Variants in PCDHGA1 observed in about 807,000 individuals in gnomAD.
PCDHGA1 encodes protocadherin gamma subfamily A, 1.
PCDHGA1 carries 32 observed loss-of-function variants against 58.0 expected under a neutral mutation model. The ratio of observed to expected loss-of-function variants is 0.55; its 90% CI spans 0.42 to 0.74. The LOEUF (loss-of-function observed/expected upper bound fraction) is 0.74, where lower values mean the gene tolerates loss of function less well. Among genes scored for constraint, PCDHGA1 ranks in the 30% least tolerant of loss-of-function variants. PCDHGA1 has a pLI of 0.00. For missense variants in PCDHGA1, 1,205 were observed against 1,182.3 expected, an observed-to-expected ratio of 1.02 and a Z score of -0.28; for synonymous variants, 498 against 501.1, an observed-to-expected ratio of 0.99 and a Z score of 0.08.
intron 1 of PCDHGA1, chr5:141,376,596 T>C: frequency 6.5e-7 from 1 of 1,549,136 alleles, no homozygotes; most frequent in South Asian, 1.2e-5. Flanking sequence ...GATCGGCTGT[T>C]ATAGAAGCGA....
rs898536568 is a variant in PCDHGA1 at position 141,478,080 on chromosome 5, C to T, written c.2422-16727C>T. The T allele has an allele frequency of 1.9e-6, 3 of 1,614,012 alleles. No homozygotes were observed. The Admixed American group carries it at 5.0e-5, about 27-fold the overall frequency. The stretch of plus-strand genomic sequence containing the variant: ...TTGATCAAAGACAATGGGGAGCCTT[C>T]GCTCTCCACCACTGCTACCCTCACT... On this transcript the variant is annotated intron_variant, in intron 1 of 3. Coordinates refer to ENST00000517417, the MANE Select transcript of PCDHGA1 (RefSeq NM_018912.3).
At chr5:141,465,318 A>G (rs1440554123) in intron 1 of PCDHGA1, among the ~76,000 whole-genome samples, 1 of 152,198 alleles carries the variant, frequency 6.6e-6, no homozygotes, top group Non-Finnish European at 1.5e-5. Flanking sequence ...AGCCATGTCA[A>G]TGCAGTATTT....
intron 1 of PCDHGA1, among the ~76,000 whole-genome samples, chr5:141,353,822 G>C (rs1319951796): frequency 1.3e-5 from 2 of 152,124 alleles, no homozygotes; most frequent in South Asian, 4.1e-4. Flanking sequence ...ATCATCCGCA[G>C]TTTGTGCGGT....
At chr5:141,445,573 A>G (rs1311326050) in intron 1 of PCDHGA1, among the ~76,000 whole-genome samples, 1 of 152,248 alleles carries the variant, frequency 6.6e-6, no homozygotes, top group Admixed American at 6.5e-5. Flanking sequence ...AGCTTATAGT[A>G]GGGAAGCTTC....
Position 141,383,405 on chromosome 5 carries a change from G to A in PCDHGA1, c.2421+50300G>A, listed in dbSNP as rs189408749. 100 of 1,614,016 alleles carry A rather than the reference G, an allele frequency of 6.2e-5. No individual in the cohort carries two copies. In the Middle Eastern group the frequency reaches 9.9e-4, roughly 16 times the overall value. ...GATGTGGGCACGAACTCCCTCCAGA[G>A]TTACCAGCTCAGCCCCAATCGCCAC... On this transcript the variant is annotated intron_variant, in intron 1 of 3. Coordinates refer to ENST00000517417, the MANE Select transcript of PCDHGA1 (RefSeq NM_018912.3).
At chr5:141,464,604 G>A (rs1445968596) in intron 1 of PCDHGA1, among the ~76,000 whole-genome samples, 1 of 152,106 alleles carries the variant, frequency 6.6e-6, no homozygotes, top group East Asian at 1.9e-4. Context: ...AGTCTCCTTT[G>A]CAGAGTATAT....
At chr5:141,473,810 G>A (rs549204595) in intron 1 of PCDHGA1, among the ~76,000 whole-genome samples, 1 of 152,334 alleles carries the variant, frequency 6.6e-6, no homozygotes, top group South Asian at 2.1e-4. Flanking sequence ...CTGAGGAGCA[G>A]CTGGACAATT....
chr5:141,451,536 G>A (rs1183287437), intron 1 of PCDHGA1, among the ~76,000 whole-genome samples: 1 of 152,202 alleles, frequency 6.6e-6, no homozygotes, highest in Non-Finnish European at 1.5e-5. Context: ...GAGAGTGCCA[G>A]AGAGGGCAAA....
At chr5:141,392,891 C>T in intron 1 of PCDHGA1, 1 of 1,613,594 alleles carries the variant, frequency 6.2e-7, no homozygotes. Flanking sequence ...TGTGGGAAAT[C>T]GGGAGGGGAC....
Position 141,486,427 on chromosome 5 carries a change from A to G in PCDHGA1, c.2422-8380A>G. On this transcript the variant is annotated intron_variant, in intron 1 of 3. Transcript: ENST00000517417. This position sits in a 1 kb window ranked among gnomAD's most constrained non-coding sequence, Gnocchi z 5.0. ...CTGGACCCTTGGATCGAGAGGCCAA[A>G]TCTAGCTATGACATCATGGTCACTG... The G allele has an allele frequency of 6.2e-7, 1 of 1,614,160 alleles. No homozygotes were observed. Among genetic ancestry groups the G allele is most frequent in the Non-Finnish European group, 8.5e-7 (1 of 1,180,016 alleles).
Position 141,350,426 on chromosome 5 carries a change from G to T in PCDHGA1, c.2421+17321G>T, listed in dbSNP as rs776190786. ...ACTTGCCAAGGATCTGGGGCTCAGT[G>T]TCCGGGAGTTGCCAACTCGAAAACT... On this transcript the variant is annotated intron_variant, in intron 1 of 3. Transcript: ENST00000517417. 2.5e-6 allele frequency: 4 copies of T among 1,609,938 alleles called. No homozygotes were observed. The African/African-American group carries it at 4.0e-5, about 16-fold the overall frequency.
chr5:141,473,763 GGATTTGGT>G (rs1358359618), intron 1 of PCDHGA1, among the ~76,000 whole-genome samples: 73 of 152,322 alleles, frequency 4.8e-4, no homozygotes, highest in African/African-American at 1.7e-3. Context: ...ACTATGCAAA[GGATTTGGT>G]ATTTTAATTC....
intron 1 of PCDHGA1, among the ~76,000 whole-genome samples, chr5:141,494,338 ACAG>A (rs2099753688): frequency 6.6e-6 from 1 of 152,224 alleles, no homozygotes; most frequent in African/African-American, 2.4e-5. Flanking sequence ...GTTACCAAGA[ACAG>A]CAGCCATCTT....
chr5:141,417,902 C>G (rs2096184021), intron 1 of PCDHGA1: 1 of 1,588,280 alleles, frequency 6.3e-7, no homozygotes, highest in Non-Finnish European at 8.6e-7. Context: ...CGGCCCGCGG[C>G]AGGTACTATT....
chr5:141,468,222 G>A lies in PCDHGA1; in HGVS notation c.2422-26585G>A, dbSNP rs560663102. 2.6e-3 allele frequency among the ~76,000 whole-genome samples: 401 copies of A among 151,572 alleles called. 2 individuals are homozygous for A. Among genetic ancestry groups the A allele is most frequent in the South Asian group, 0.02 (97 of 4,782 alleles). ...TGCCTGTAATTCCAGCTACTTGGGA[G>A]GATGAGGTAGGAGAATTGCCTGAAC... On this transcript the variant is annotated intron_variant, in intron 1 of 3. Coordinates refer to ENST00000517417, the MANE Select transcript of PCDHGA1 (RefSeq NM_018912.3).
intron 1 of PCDHGA1, chr5:141,439,998 G>A (rs2098143949): frequency 6.5e-6 from 1 of 153,152 alleles, no homozygotes; most frequent in Non-Finnish European, 1.5e-5. Context: ...TTGGTGGTGG[G>A]AAACCTTGCC....
At chr5:141,435,112 T>A (rs906494104) in intron 1 of PCDHGA1, among the ~76,000 whole-genome samples, 1 of 152,102 alleles carries the variant, frequency 6.6e-6, no homozygotes, top group Non-Finnish European at 1.5e-5. Context: ...GGGGGAGAAA[T>A]CTAATTCAAT....
chr5:141,333,211 C>A, intron 1 of PCDHGA1, 106 bp downstream of exon 1: 1 of 1,507,746 alleles, frequency 6.6e-7, no homozygotes, highest in Non-Finnish European at 9.0e-7. Context: ...ACCCATGTAT[C>A]TTTGTAGCTT....
In PCDHGA1 at chr5:141,340,607, G is replaced by A. The variant is rs1756964137; in HGVS notation, c.2421+7502G>A. On this transcript the variant is annotated intron_variant, in intron 1 of 3. Coordinates refer to ENST00000517417, the MANE Select transcript of PCDHGA1 (RefSeq NM_018912.3). ...CGGGAACCCTCCACTCAGTAGCAAT[G>A]TATCATTAAGCCTGTTCGTGCTGGA... The A allele has an allele frequency of 6.2e-7, 1 of 1,614,222 alleles. No homozygotes were observed. Among genetic ancestry groups the A allele is most frequent in the East Asian group, 2.2e-5 (1 of 44,862 alleles).
Sources: allele counts gnomAD v4.1 joint callset (sites outside exome capture counted in the v4.1 genomes callset), GRCh38; gene constraint gnomAD v4.1.1; non-coding constraint Gnocchi (gnomAD v3.1); transcripts MANE v1.5; gene names NCBI Gene and HGNC (gene_info 2026-07-23, HGNC 2026-07-21).